Variants in NALF1 observed in about 807,000 individuals in gnomAD.
NALF1 encodes NALCN channel auxiliary factor 1.
In NALF1, 3 loss-of-function variants were observed where a neutral mutation model predicts 48.4. The ratio of observed to expected loss-of-function variants is 0.06; its 90% CI spans 0.03 to 0.16. NALF1 has a LOEUF of 0.16. NALF1 is among the 10% of genes least tolerant of loss of function. The pLI, the probability that NALF1 is intolerant of heterozygous loss-of-function variation, is 1.00. For missense variants in NALF1, 526 were observed against 571.5 expected (o/e 0.92, Z 0.81); for synonymous variants, 262 against 245.7 (o/e 1.07, Z -0.62).
intron 1 of NALF1, among the ~76,000 whole-genome samples, chr13:107,593,890 CT>C (rs1004205076): frequency 6.6e-6 from 1 of 151,396 alleles, no homozygotes; most frequent in African/African-American, 2.4e-5. Context: ...CATAGAAGGT[CT>C]TTTCAAATAT....
At chr13:107,668,182 T>C (rs1045893276) in intron 1 of NALF1, among the ~76,000 whole-genome samples, 5 of 152,048 alleles carry the variant, frequency 3.3e-5, no homozygotes, top group Non-Finnish European at 4.4e-5. Context: ...CCAAATAAAA[T>C]AAAAACAAAT....
intron 1 of NALF1, among the ~76,000 whole-genome samples, chr13:107,240,461 C>A (rs1301081922): frequency 6.6e-6 from 1 of 152,078 alleles, no homozygotes; most frequent in African/African-American, 2.4e-5. Flanking sequence ...AACAATGGGA[C>A]TTTTGTTAGA....
At chr13:107,466,225 T>A (rs1885000290) in intron 1 of NALF1, 1 of 152,204 alleles carries the variant, frequency 6.6e-6, no homozygotes, top group African/African-American at 2.4e-5. Flanking sequence ...TCCCATGACA[T>A]GTGGAAATTG....
At chr13:107,426,609 A>G (rs557827067) in intron 1 of NALF1, among the ~76,000 whole-genome samples, 1 of 152,326 alleles carries the variant, frequency 6.6e-6, no homozygotes, top group African/African-American at 2.4e-5. Flanking sequence ...CGAAGGGTCA[A>G]ATCACATGTG....
chr13:107,217,097 A>T (rs1221659052), intron 1 of NALF1, among the ~76,000 whole-genome samples: 1 of 152,196 alleles, frequency 6.6e-6, no homozygotes, highest in African/African-American at 2.4e-5. Flanking sequence ...CGTCTCATGT[A>T]ACAGTCAATA....
chr13:107,626,108 A>G (rs188213497), intron 1 of NALF1, among the ~76,000 whole-genome samples: 1 of 152,254 alleles, frequency 6.6e-6, no homozygotes, highest in Admixed American at 6.5e-5. Flanking sequence ...GATTTCATTA[A>G]TAACTGATGA....
chr13:107,737,875 G>A lies in NALF1; in HGVS notation c.915+127807C>T, dbSNP rs574995357. On this transcript the variant is annotated intron_variant, in intron 1 of 2. Transcript: ENST00000375915. Reference sequence around the variant, plus strand: ...AATATAGAGTCAGAATCATCTTTCCGAAGAATAGAAAATGCATCCACGTAC... The same window carrying A: ...AATATAGAGTCAGAATCATCTTTCCAAAGAATAGAAAATGCATCCACGTAC... Among the ~76,000 whole-genome samples the A allele has an allele frequency of 8.5e-5, 13 of 152,138 alleles. No homozygotes were observed. The South Asian group carries it at 2.1e-3, about 24-fold the overall frequency.
At chr13:107,205,491 C>G (rs564673441) in intron 2 of NALF1, among the ~76,000 whole-genome samples, 3 of 152,058 alleles carry the variant, frequency 2.0e-5, no homozygotes, top group African/African-American at 2.4e-5. Flanking sequence ...CGCGCAGAGT[C>G]GCCACCAGGG....
intron 1 of NALF1, among the ~76,000 whole-genome samples, chr13:107,614,988 G>A (rs1879340629): frequency 6.6e-6 from 1 of 151,720 alleles, no homozygotes; most frequent in South Asian, 2.1e-4. Context: ...TGTTGGCCAG[G>A]CTGGTCTTGA....
At chr13:107,672,475 G>A (rs1881014958) in intron 1 of NALF1, among the ~76,000 whole-genome samples, 1 of 152,030 alleles carries the variant, frequency 6.6e-6, no homozygotes, top group African/African-American at 2.4e-5. Context: ...ACTATAGTCA[G>A]GCCTGCCTCA....
chr13:107,475,373 A>C (rs1885163439), intron 1 of NALF1, among the ~76,000 whole-genome samples: 1 of 152,194 alleles, frequency 6.6e-6, no homozygotes. Flanking sequence ...GGTTTGCGTT[A>C]GTTTTTAGTG....
chr13:107,493,807 T>G (rs953017001), intron 1 of NALF1, among the ~76,000 whole-genome samples: 1 of 152,126 alleles, frequency 6.6e-6, no homozygotes, highest in Admixed American at 6.6e-5. Flanking sequence ...GAGGATGGCT[T>G]GAGCCCCAAG....
intron 1 of NALF1, among the ~76,000 whole-genome samples, chr13:107,455,481 A>G (rs1186957316): frequency 6.6e-6 from 1 of 152,178 alleles, no homozygotes; most frequent in African/African-American, 2.4e-5. Context: ...TCTATCTGCT[A>G]TGAACATCCC....
chr13:107,342,162 G>C (rs953305363), intron 1 of NALF1, among the ~76,000 whole-genome samples: 1 of 152,096 alleles, frequency 6.6e-6, no homozygotes, highest in Middle Eastern at 3.2e-3. Flanking sequence ...TCCAAACCAA[G>C]AGAATGAAGA....
intron 1 of NALF1, among the ~76,000 whole-genome samples, chr13:107,339,446 C>T (rs946153596): frequency 4.6e-4 from 70 of 152,092 alleles, no homozygotes; most frequent in African/African-American, 1.5e-3. Flanking sequence ...CCTTCCACCT[C>T]TGATTTTGTT....
intron 1 of NALF1, among the ~76,000 whole-genome samples, chr13:107,297,396 GTC>G (rs748232936): frequency 6.6e-6 from 1 of 152,106 alleles, no homozygotes; most frequent in Non-Finnish European, 1.5e-5. Flanking sequence ...TTATGTCTGA[GTC>G]TCATTTTTTG....
At position 107,866,755 on chromosome 13, in the gene NALF1, CCT is replaced by C. The variant is rs143934150; in HGVS notation, c.-161_-160del. On this transcript the variant is annotated 5_prime_UTR_variant, in exon 1 of 3. Transcript: ENST00000375915. This position sits in a 1 kb window ranked among gnomAD's most constrained non-coding sequence, Gnocchi z 4.4. ...TCTCTCTCTTCCCCTCTCCCTCTCT[CCT>C]CTCTCTCTCTCTCCCTCTCCCTCTC... 3,128 of 506,250 alleles carry C rather than the reference CCT, an allele frequency of 6.2e-3. No homozygotes were observed. The highest frequency in any genetic ancestry group is 0.013 in the South Asian group (559 of 41,610). 31.4% of individuals were successfully genotyped at this position (506,250 alleles called of 1,614,324 possible). A position where few individuals can be genotyped will look rare whatever the true frequency, so the allele number is the denominator to read the frequency against.
intron 1 of NALF1, among the ~76,000 whole-genome samples, chr13:107,469,733 CTTTTTTTT>C (rs61241553): frequency 0.29 from 23,250 of 78,920 alleles, 2,236 homozygotes; most frequent in Middle Eastern, 0.51. Flanking sequence ...AACTGTGTAT[CTTTTTTTT>C]TTTTTTTTTT....
intron 1 of NALF1, among the ~76,000 whole-genome samples, chr13:107,686,679 G>A (rs1161156692): frequency 5.3e-5 from 8 of 152,046 alleles, no homozygotes; most frequent in Non-Finnish European, 1.0e-4. Context: ...GACATACAAC[G>A]GCCCACAATC....
Sources: gnomAD v4.1 joint callset for allele counts (sites outside exome capture counted in the v4.1 genomes callset) on GRCh38, gnomAD v4.1.1 for gene constraint, Gnocchi (gnomAD v3.1) non-coding constraint, MANE v1.5 for transcripts, NCBI Gene and HGNC (gene_info 2026-07-23, HGNC 2026-07-21) for gene names.